Variants in EPHA1 observed in about 807,000 individuals in gnomAD.
EPHA1 encodes the protein EPH receptor A1.
Under a neutral mutation model 110.1 loss-of-function variants are expected in EPHA1, and 92 were observed. The observed-to-expected ratio is 0.84, with a 90% CI of 0.71 to 0.99. The LOEUF (loss-of-function observed/expected upper bound fraction) is 0.99. Ranked by LOEUF, EPHA1 falls within the 50% of genes least tolerant of loss-of-function variation. The pLI, the probability that EPHA1 is intolerant of heterozygous loss-of-function variation, is 0.00. For missense variants in EPHA1, 1,204 were observed against 1,285.4 expected, an observed-to-expected ratio of 0.94 and a Z score of 0.97; for synonymous variants, 500 against 516.1, an observed-to-expected ratio of 0.97 and a Z score of 0.42.
chr7:143,395,750 G>A lies in EPHA1; in HGVS notation c.1898-246C>T, dbSNP rs920655192. The stretch of plus-strand genomic sequence containing the variant: ...GCACAGTTCTTGGCTCACAATAGGC[G>A]CTCGGCAACTGCAGGGTGAATGAAC... On this transcript the variant is annotated intron_variant, in intron 11 of 17. Coordinates refer to ENST00000275815, the MANE Select transcript of EPHA1 (RefSeq NM_005232.5). This position sits in a 1 kb window ranked among gnomAD's most constrained non-coding sequence, Gnocchi z 4.7. The A allele has an allele frequency of 4.5e-5, 25 of 553,856 alleles. No homozygotes were observed. Among genetic ancestry groups the A allele is most frequent in the East Asian group, 8.9e-5 (3 of 33,884 alleles). The allele number at this position is 553,856 out of a possible 1,614,324, so 34.3% of individuals were successfully genotyped here.
rs1190218089 is a variant in EPHA1 at position 143,396,408 on chromosome 7, A to G, written c.1874T>C (p.Met625Thr). The part of the protein sequence containing the change: ...FTRELDPAWL[M>T]VDTVIGEGEF... ...ACCTTCTCCTATGACAGTGTCCACC[A>G]TCAGCCACGCTGGATCAAGCTCCCG... is the stretch of plus-strand genomic sequence containing the variant. The change falls in exon 11 of 18, where the codon ATG becomes ACG. Residue 625 changes from methionine to threonine, a missense_variant. Coordinates refer to ENST00000275815, the MANE Select transcript of EPHA1 (RefSeq NM_005232.5). 4 of 1,612,972 alleles carry G rather than the reference A, an allele frequency of 2.5e-6. No homozygotes were observed. The highest frequency in any genetic ancestry group is 3.4e-6 in the Non-Finnish European group (4 of 1,179,774).
rs2116630787 is a variant in EPHA1, at chr7:143,401,271, G to A, written c.432+53C>T. The A allele has an allele frequency of 6.3e-7, 1 of 1,585,862 alleles. No homozygotes were observed. The highest frequency in any genetic ancestry group is 8.6e-7 in the Non-Finnish European group (1 of 1,165,856). On this transcript the variant is annotated intron_variant, in intron 3 of 17. Coordinates refer to ENST00000275815, the MANE Select transcript of EPHA1 (RefSeq NM_005232.5). This position sits in a 1 kb window ranked among gnomAD's most constrained non-coding sequence, Gnocchi z 4.1. ...TGCAACCTTCTCTGGCACCCAATAA[G>A]GAGCCACCAGGGATCTGCACCAGGA...
At chr7:143,396,871 C>A (rs1181297037) in intron 10 of EPHA1, among the ~76,000 whole-genome samples, 3 of 152,158 alleles carry the variant, frequency 2.0e-5, no homozygotes, top group African/African-American at 7.2e-5. Flanking sequence ...GGCTCCCACC[C>A]CAGCTGCCCG....
chr7:143,394,812 G>C lies in EPHA1; in HGVS notation c.2348C>G (p.Thr783Ser). Residue 783 changes from threonine to serine, a missense_variant, in exon 14 of 18, where the codon ACC becomes AGC. Transcript: ENST00000275815. The part of the protein sequence containing the change: ...LLDDFDGTYE[T>S]QGGKIPIRWT... Reference sequence around the variant, plus strand: ...GGGTTTGTACCGGCCTCTAACCTGGGTTTCGTATGTGCCATCAAAGTCATC... The same window carrying C: ...GGGTTTGTACCGGCCTCTAACCTGGCTTTCGTATGTGCCATCAAAGTCATC... The C allele has an allele frequency of 6.2e-7, 1 of 1,614,024 alleles. No individual in the cohort carries two copies. The highest frequency in any genetic ancestry group is 8.5e-7 in the Non-Finnish European group (1 of 1,180,026).
intron 10 of EPHA1, 124 bp from the exon 11 acceptor site, chr7:143,396,634 GT>G: frequency 8.1e-7 from 1 of 1,241,106 alleles, no homozygotes; most frequent in East Asian, 2.5e-5. Context: ...GGTGACTCCT[GT>G]TTGGGCTGAG....
At chr7:143,405,394 A>G (rs978369802) in intron 2 of EPHA1, among the ~76,000 whole-genome samples, 1 of 151,846 alleles carries the variant, frequency 6.6e-6, no homozygotes, top group Non-Finnish European at 1.5e-5. Context: ...TGGCTGCCAC[A>G]TGGGTGCATT....
intron 16 of EPHA1, among the ~76,000 whole-genome samples, chr7:143,392,739 C>G (rs546138727): frequency 2.0e-5 from 3 of 152,096 alleles, no homozygotes; most frequent in Non-Finnish European, 4.4e-5. Flanking sequence ...GTCAGGAGTT[C>G]GAGACCAGCT....
intron 10 of EPHA1, among the ~76,000 whole-genome samples, 181 bp downstream of exon 10, chr7:143,397,123 A>G (rs1406338580): frequency 1.3e-5 from 2 of 152,152 alleles, no homozygotes; most frequent in Non-Finnish European, 2.9e-5. Flanking sequence ...TAATTAACCA[A>G]AGTTAATTAG....
Position 143,408,712 on chromosome 7 carries a change from G to T in EPHA1, c.82+12C>A. Reference sequence around the variant, plus strand: ...GCGCGGGGGTTGGGGGCGCGGGGGCGGGGGTCGGTACCTTCCTTGGCGCGC... The same window carrying T: ...GCGCGGGGGTTGGGGGCGCGGGGGCTGGGGTCGGTACCTTCCTTGGCGCGC... On this transcript the variant is annotated intron_variant, in intron 1 of 17. Coordinates refer to ENST00000275815, the MANE Select transcript of EPHA1 (RefSeq NM_005232.5). 2 of 656,252 alleles carry T rather than the reference G, an allele frequency of 3.0e-6. No individual in the cohort carries two copies. The highest frequency in any genetic ancestry group is 3.5e-5 in the East Asian group (1 of 28,314). The allele number at this position is 656,252 out of a possible 1,614,324, so 40.7% of individuals were successfully genotyped here. A position where few individuals can be genotyped will look rare whatever the true frequency, so the allele number is the denominator to read the frequency against.
In EPHA1 at chr7:143,398,358, C is replaced by A; in HGVS notation, c.1427G>T (p.Gly476Val). 6.2e-7 allele frequency: 1 copy of A among 1,614,108 alleles called. No homozygotes were observed. The highest frequency in any genetic ancestry group is 8.5e-7 in the Non-Finnish European group (1 of 1,179,992). Residue 476 changes from glycine (G) to valine (V), a missense_variant, in exon 7 of 18, where the codon GGG becomes GTG. By Grantham distance (109) the Gly-to-Val change is moderately radical (BLOSUM62 -3). Coordinates refer to ENST00000275815, the MANE Select transcript of EPHA1 (RefSeq NM_005232.5). ...TWAGSRPRSPGANLTYELHVL... is the reference protein window; with the variant it reads ...TWAGSRPRSPVANLTYELHVL... Reference sequence around the variant, plus strand: ...GTGCAGCTCATAGGTCAGGTTCGCCCCAGGGCTTCGGGGCCGGGACCCCGC... The same window carrying A: ...GTGCAGCTCATAGGTCAGGTTCGCCACAGGGCTTCGGGGCCGGGACCCCGC...
Position 143,397,355 on chromosome 7 carries a change from G to C in EPHA1, c.1720C>G (p.Gln574Glu), listed in dbSNP as rs1366219382. Reference sequence around the variant, plus strand: ...CGCTGCCTCTGCTGCCTCTGCCGCTGGGCTCTCCTGTGGGGGTTGGGGACC... The same window carrying C: ...CGCTGCCTCTGCTGCCTCTGCCGCTCGGCTCTCCTGTGGGGGTTGGGGACC... ...GILVFRSRRA[Q>E]RQRQQRQRDR... The change falls in exon 10 of 18, where the codon CAG becomes GAG. Residue 574 changes from glutamine (Q) to glutamate (E), a missense_variant. By Grantham distance (29) the Gln-to-Glu change is conservative. Coordinates refer to ENST00000275815, the MANE Select transcript of EPHA1 (RefSeq NM_005232.5). 6.5e-7 allele frequency: 1 copy of C among 1,549,808 alleles called. No homozygotes were observed. The highest frequency in any genetic ancestry group is 8.7e-7 in the Non-Finnish European group (1 of 1,146,876).
intron 14 of EPHA1, 92 bp downstream of exon 14, chr7:143,394,716 G>C (rs1415094192): frequency 6.8e-7 from 1 of 1,477,030 alleles, no homozygotes; most frequent in East Asian, 2.3e-5. Context: ...CACCGTGCCT[G>C]GCCAAGTCTT....
In EPHA1 at chr7:143,398,933, G is replaced by T; in HGVS notation, c.1004C>A (p.Ala335Asp). 6.2e-7 allele frequency: 1 copy of T among 1,603,190 alleles called. No homozygotes were observed. The highest frequency in any genetic ancestry group is 8.5e-7 in the Non-Finnish European group (1 of 1,174,500). Residue 335 changes from alanine to aspartate, a missense_variant, in exon 6 of 18, where the codon GCC becomes GAC. Ala to Asp is a moderately radical substitution (Grantham distance 126, BLOSUM62 -2). Transcript: ENST00000275815. ...PQVACTGPPS[A>D]PRNLSFSASG... ...GGCAGAGAAGCTCAGGTTTCGGGGG[G>T]CCGAGGGGGGACCTGTGGGAGAAGA...
At chr7:143,396,237 A>G in intron 11 of EPHA1, 148 bp downstream of exon 11, 1 of 1,138,652 alleles carries the variant, frequency 8.8e-7, no homozygotes. Flanking sequence ...GAGGATACAG[A>G]GCAGAGCAGA....
intron 1 of EPHA1, 29 bp from the exon 2 acceptor site, chr7:143,407,707 A>G: frequency 6.2e-7 from 1 of 1,607,868 alleles, no homozygotes; most frequent in Non-Finnish European, 8.5e-7. Flanking sequence ...GAAGTCTGTC[A>G]CCTCTGGGGG....
chr7:143,397,156 G>C, intron 10 of EPHA1, 148 bp downstream of exon 10: 1 of 927,936 alleles, frequency 1.1e-6, no homozygotes, highest in Non-Finnish European at 1.6e-6. Context: ...AAGAGCCCTG[G>C]GGACAACAAA....
chr7:143,399,535 T>G, intron 4 of EPHA1, 116 bp downstream of exon 4: 1 of 1,555,128 alleles, frequency 6.4e-7, no homozygotes, highest in South Asian at 1.2e-5. Flanking sequence ...TGTCCGCTGC[T>G]CTGGGACACT....
At chr7:143,396,576 A>C in intron 10 of EPHA1, 66 bp from the exon 11 acceptor site, 3 of 1,578,818 alleles carry the variant, frequency 1.9e-6, no homozygotes, top group Non-Finnish European at 2.6e-6. Flanking sequence ...GGTCAGGAGA[A>C]GGGCCAGCAG....
intron 16 of EPHA1, 137 bp from the exon 17 acceptor site, chr7:143,391,912 A>G: frequency 3.4e-6 from 5 of 1,460,338 alleles, no homozygotes; most frequent in Admixed American, 2.3e-5. Flanking sequence ...TGACCCCACC[A>G]TTATCTCTGA....
Sources: allele counts gnomAD v4.1 joint callset (sites outside exome capture counted in the v4.1 genomes callset), GRCh38; gene constraint gnomAD v4.1.1; non-coding constraint Gnocchi (gnomAD v3.1); transcripts MANE v1.5; gene names NCBI Gene and HGNC (gene_info 2026-07-23, HGNC 2026-07-21).